Variants in GRID1 observed in about 807,000 individuals in gnomAD.
GRID1 encodes glutamate receptor ionotropic, delta-1.
GRID1 carries 28 observed loss-of-function variants against 98.0 expected under a neutral mutation model. The observed-to-expected ratio is 0.29, with a 90% CI of 0.21 to 0.39. The LOEUF is 0.39. GRID1 is among the 10% of genes least tolerant of loss of function. The pLI is 1.00. For missense variants in GRID1, 1,111 were observed against 1,340.5 expected (o/e 0.83, Z 2.67); for synonymous variants, 553 against 538.5 (o/e 1.03, Z -0.37).
rs545429071 is a variant in GRID1, at chr10:86,322,564, C to A, written c.235+41377G>T. Among the ~76,000 whole-genome samples the A allele has an allele frequency of 6.1e-4, 92 of 151,910 alleles. 1 individual carries two copies. Among genetic ancestry groups the A allele is most frequent in the African/African-American group, 2.0e-3 (83 of 41,430 alleles). ...CAGCTGGGACTAGAGGCACACGTCA[C>A]CATGCCCAGCTAATTTTTGTATTTT... is the stretch of plus-strand genomic sequence containing the variant. On this transcript the variant is annotated intron_variant, in intron 2 of 15. Coordinates refer to ENST00000327946, the MANE Select transcript of GRID1 (RefSeq NM_017551.3).
intron 8 of GRID1, among the ~76,000 whole-genome samples, chr10:85,851,984 C>T (rs1002530563): frequency 1.3e-5 from 2 of 152,076 alleles, no homozygotes. Flanking sequence ...CCGAAACTAC[C>T]ACTCAGCTCT....
chr10:85,706,765 T>C (rs528827018), intron 12 of GRID1, among the ~76,000 whole-genome samples: 43 of 152,172 alleles, frequency 2.8e-4, no homozygotes, highest in African/African-American at 1.0e-3. Context: ...AAAACAGAGA[T>C]ATAGATCAAT....
intron 2 of GRID1, among the ~76,000 whole-genome samples, chr10:86,276,263 G>T (rs149789823): frequency 3.3e-5 from 5 of 152,246 alleles, no homozygotes; most frequent in African/African-American, 1.2e-4. Flanking sequence ...TTCTCCCTAT[G>T]TCTCTTCACA....
chr10:85,647,638 A>C, intron 12 of GRID1: 1 of 485,986 alleles, frequency 2.1e-6, no homozygotes, highest in Non-Finnish European at 3.7e-6. Flanking sequence ...TGGGCACCTA[A>C]AACCAGGTTC....
chr10:86,112,143 C>T (rs541189747), intron 4 of GRID1, among the ~76,000 whole-genome samples: 4 of 152,270 alleles, frequency 2.6e-5, no homozygotes, highest in East Asian at 1.9e-4. Flanking sequence ...CACAGCACCT[C>T]ATCCCTATGA....
At chr10:85,801,041 GACA>G (rs2132752585) in intron 8 of GRID1, among the ~76,000 whole-genome samples, 1 of 152,080 alleles carries the variant, frequency 6.6e-6, no homozygotes, top group African/African-American at 2.4e-5. Flanking sequence ...AATAAAGAGT[GACA>G]ACAAACAAAC....
At chr10:86,030,355 C>T (rs1189300887) in intron 4 of GRID1, among the ~76,000 whole-genome samples, 3 of 152,210 alleles carry the variant, frequency 2.0e-5, no homozygotes, top group African/African-American at 7.2e-5. Flanking sequence ...AAAGATTCCC[C>T]AAAGGTTAAC....
chr10:85,914,111 T>C (rs1312059274), intron 5 of GRID1, among the ~76,000 whole-genome samples: 1 of 152,162 alleles, frequency 6.6e-6, no homozygotes, highest in Admixed American at 6.5e-5. Flanking sequence ...CCAATGTGCC[T>C]ACCAGTATGG....
At chr10:85,763,233 A>G (rs192275449) in intron 8 of GRID1, among the ~76,000 whole-genome samples, 1 of 152,288 alleles carries the variant, frequency 6.6e-6, no homozygotes, top group African/African-American at 2.4e-5. Flanking sequence ...TGTATTTTAC[A>G]TCTTGGAATA....
chr10:85,927,857 C>T (rs1016749725), intron 4 of GRID1, among the ~76,000 whole-genome samples: 4 of 152,000 alleles, frequency 2.6e-5, no homozygotes, highest in African/African-American at 7.3e-5. Flanking sequence ...ATTTCACAAG[C>T]GAGAGCATTT....
intron 8 of GRID1, among the ~76,000 whole-genome samples, chr10:85,805,524 C>G (rs888578446): frequency 1.3e-5 from 2 of 151,616 alleles, no homozygotes; most frequent in Admixed American, 1.3e-4. Context: ...ATTTAAAGGA[C>G]TAAGAATAGA....
chr10:85,622,417 A>T (rs187456551), intron 13 of GRID1, among the ~76,000 whole-genome samples: 3,955 of 151,640 alleles, frequency 0.026, 57 homozygotes, highest in East Asian at 0.056. Context: ...TCTTTTTTTT[A>T]AAAAAAATAT....
chr10:85,710,744 C>T lies in GRID1; in HGVS notation c.1997+12259G>A, dbSNP rs186666614. On this transcript the variant is annotated intron_variant, in intron 12 of 15. Transcript: ENST00000327946. The stretch of plus-strand genomic sequence containing the variant: ...ATTAATATCTGGAATGTATAAAGAA[C>T]CCCTTCAACTTAATAACAAAGAAAA... Among the ~76,000 whole-genome samples, 13 of 151,994 alleles carry T rather than the reference C, an allele frequency of 8.6e-5. 1 individual carries two copies. The East Asian group carries it at 2.5e-3, about 29-fold the overall frequency.
intron 4 of GRID1, among the ~76,000 whole-genome samples, chr10:86,045,397 T>A (rs959719553): frequency 1.3e-5 from 2 of 152,164 alleles, no homozygotes; most frequent in Non-Finnish European, 2.9e-5. Context: ...GGACATACAA[T>A]GTGTCGATCA....
intron 6 of GRID1, among the ~76,000 whole-genome samples, chr10:85,866,565 C>T (rs544322254): frequency 6.6e-6 from 1 of 152,026 alleles, no homozygotes; most frequent in East Asian, 1.9e-4. Flanking sequence ...GTCATTTTGG[C>T]ACTCAAAAAT....
chr10:86,193,195 G>A (rs1030525594), intron 3 of GRID1, among the ~76,000 whole-genome samples: 3 of 151,968 alleles, frequency 2.0e-5, no homozygotes, highest in African/African-American at 7.2e-5. Flanking sequence ...GGAGAGTGAG[G>A]GCTTGAGATC....
At chr10:85,904,592 A>G (rs968952664) in intron 5 of GRID1, among the ~76,000 whole-genome samples, 1 of 152,212 alleles carries the variant, frequency 6.6e-6, no homozygotes, top group Non-Finnish European at 1.5e-5. Flanking sequence ...TAGAATTAGC[A>G]GATAATTACC....
At chr10:85,701,412 T>C (rs1047667678) in intron 12 of GRID1, among the ~76,000 whole-genome samples, 1 of 151,816 alleles carries the variant, frequency 6.6e-6, no homozygotes. Context: ...AGTTACACAG[T>C]GGTTTCTCTT....
chr10:85,933,799 G>A (rs540216009), intron 4 of GRID1, among the ~76,000 whole-genome samples: 66 of 152,228 alleles, frequency 4.3e-4, no homozygotes, highest in Non-Finnish European at 8.2e-4. Flanking sequence ...GAAGAGGTGC[G>A]GAACCATCAG....
Sources: gnomAD v4.1 joint callset for allele counts (sites outside exome capture counted in the v4.1 genomes callset) on GRCh38, gnomAD v4.1.1 for gene constraint, MANE v1.5 for transcripts, NCBI Gene and HGNC (gene_info 2026-07-23, HGNC 2026-07-21) for gene names.